Variants in MIR2052HG observed in about 807,000 individuals in gnomAD.
MIR2052HG encodes MIR2052 host gene.
At chr8:74,725,247 T>C (rs746939706) in intron 4 of MIR2052HG, among the ~76,000 whole-genome samples, 10 of 152,208 alleles carry the variant, frequency 6.6e-5, no homozygotes, top group Non-Finnish European at 4.4e-5. Flanking sequence ...TACATGCCCA[T>C]GGGACTTTTG....
intron 2 of MIR2052HG, among the ~76,000 whole-genome samples, chr8:74,617,637 T>C (rs1808304570): frequency 6.6e-6 from 1 of 152,196 alleles, no homozygotes; most frequent in South Asian, 2.1e-4. Flanking sequence ...ATTTCATTAC[T>C]TTGTTATTGT....
At chr8:74,666,965 C>G (rs1373610232) in intron 2 of MIR2052HG, among the ~76,000 whole-genome samples, 2 of 152,188 alleles carry the variant, frequency 1.3e-5, no homozygotes, top group Non-Finnish European at 2.9e-5. Context: ...AGCTGGGCAT[C>G]TCTTTTTGGG....
chr8:74,685,270 A>G (rs1040036488), intron 2 of MIR2052HG, among the ~76,000 whole-genome samples: 1 of 152,076 alleles, frequency 6.6e-6, no homozygotes, highest in Admixed American at 6.6e-5. Context: ...AAAAAAGATG[A>G]TATCCTCCTA....
intron 2 of MIR2052HG, among the ~76,000 whole-genome samples, chr8:74,700,444 G>A (rs1390620218): frequency 6.6e-6 from 1 of 152,060 alleles, no homozygotes; most frequent in Admixed American, 6.6e-5. Flanking sequence ...TTTTCTGATA[G>A]CCACATTAAA....
intron 2 of MIR2052HG, among the ~76,000 whole-genome samples, chr8:74,661,954 C>T (rs965642122): frequency 3.9e-5 from 6 of 152,108 alleles, no homozygotes; most frequent in African/African-American, 1.2e-4. Context: ...AGAAAAAAAT[C>T]GGCAAACATT....
intron 4 of MIR2052HG, among the ~76,000 whole-genome samples, chr8:74,732,941 C>G (rs1293812461): frequency 6.6e-6 from 1 of 152,044 alleles, no homozygotes; most frequent in Non-Finnish European, 1.5e-5. Flanking sequence ...TTGGGAAGCC[C>G]TTAGAGAGCT....
At chr8:74,603,659 T>TA in intron 1 of MIR2052HG, 3 of 1,148,784 alleles carry the variant, frequency 2.6e-6, no homozygotes, top group Non-Finnish European at 1.3e-6. Context: ...CCTTGAAGGG[T>TA]ATAGGCCTGA....
chr8:74,742,014 G>A (rs1257325524), intron 4 of MIR2052HG, among the ~76,000 whole-genome samples: 2 of 152,148 alleles, frequency 1.3e-5, no homozygotes, highest in African/African-American at 4.8e-5. Flanking sequence ...AGTGCTGTGA[G>A]TATCCATTTT....
chr8:74,714,314 C>G (rs116092768), intron 4 of MIR2052HG, among the ~76,000 whole-genome samples: 1 of 152,180 alleles, frequency 6.6e-6, no homozygotes, highest in African/African-American at 2.4e-5. Context: ...ATTATATTTG[C>G]CAAATGCTAA....
At chr8:74,703,577 C>T (rs567912473) in intron 3 of MIR2052HG, 1 of 438,072 alleles carries the variant, frequency 2.3e-6, no homozygotes, top group African/African-American at 2.0e-5. Context: ...TTACTGTTAT[C>T]TCAGCTATAT....
intron 4 of MIR2052HG, among the ~76,000 whole-genome samples, chr8:74,724,990 C>T (rs1563540316): frequency 6.6e-6 from 1 of 152,100 alleles, no homozygotes; most frequent in Non-Finnish European, 1.5e-5. Context: ...CGTGAGAATA[C>T]TACCTAGATC....
chr8:74,738,286 G>A lies in MIR2052HG; in HGVS notation n.372-14155G>A, dbSNP rs1490146728. ...CCAACTCCTCTCTGGCAAGAATACT[G>A]TTCATCAATCTCAGTGTGCATGATA... On this transcript the variant is annotated intron_variant and non_coding_transcript_variant, in intron 4 of 6. Coordinates refer to ENST00000523442, the Ensembl canonical transcript of MIR2052HG. 2.0e-5 allele frequency among the ~76,000 whole-genome samples: 3 copies of A among 152,006 alleles called. No individual in the cohort carries two copies. The East Asian group carries it at 5.8e-4, about 29-fold the overall frequency.
chr8:74,696,222 C>T (rs557894182), intron 2 of MIR2052HG, among the ~76,000 whole-genome samples: 15 of 152,100 alleles, frequency 9.9e-5, no homozygotes, highest in South Asian at 2.1e-4. Context: ...CCTGAATAAT[C>T]GTTGGATCAA....
At position 74,687,625 on chromosome 8, in the gene MIR2052HG, A is replaced by G. The variant is rs369669055; in HGVS notation, n.217-14754A>G. On this transcript the variant is annotated intron_variant and non_coding_transcript_variant, in intron 2 of 6. Coordinates refer to ENST00000523442, the Ensembl canonical transcript of MIR2052HG. Reference sequence around the variant, plus strand: ...CTGATTCTGCTTACATGAGATATCTATAATAGTAAAACTTACAGAGGCAGA... The same window carrying G: ...CTGATTCTGCTTACATGAGATATCTGTAATAGTAAAACTTACAGAGGCAGA... 4.8e-4 allele frequency among the ~76,000 whole-genome samples: 73 copies of G among 152,246 alleles called. No individual in the cohort carries two copies. The South Asian group carries it at 0.01, about 21-fold the overall frequency.
chr8:74,612,283 CCATTCAGAGTTGGTCCACTTT>C (rs1450527427), intron 1 of MIR2052HG, among the ~76,000 whole-genome samples: 3 of 152,132 alleles, frequency 2.0e-5, no homozygotes, highest in African/African-American at 7.2e-5. Context: ...TGGTCCACTT[CCATTCAGAGTTGGTCCACTTT>C]CATTCAGAGA....
chr8:74,719,076 C>CTTTTTT (rs56242876), intron 4 of MIR2052HG, among the ~76,000 whole-genome samples: 3 of 144,438 alleles, frequency 2.1e-5, no homozygotes, highest in Non-Finnish European at 3.0e-5. Flanking sequence ...CCGTGTACAT[C>CTTTTTT]TTTTTTTTTT....
intron 2 of MIR2052HG, among the ~76,000 whole-genome samples, chr8:74,684,589 A>G (rs1052972088): frequency 1.3e-5 from 2 of 152,106 alleles, no homozygotes; most frequent in Non-Finnish European, 2.9e-5. Context: ...CCCCCTGAAT[A>G]TTATATGTTA....
At chr8:74,674,936 T>G (rs1157608293) in intron 2 of MIR2052HG, among the ~76,000 whole-genome samples, 1 of 151,968 alleles carries the variant, frequency 6.6e-6, no homozygotes, top group African/African-American at 2.4e-5. Flanking sequence ...AATAACAGGC[T>G]TTTATTGAAC....
intron 4 of MIR2052HG, among the ~76,000 whole-genome samples, chr8:74,707,598 G>A (rs1171375005): frequency 6.6e-6 from 1 of 151,884 alleles, no homozygotes; most frequent in Non-Finnish European, 1.5e-5. Context: ...AACTGCAACT[G>A]GGGCTATTGG....
Sources: gnomAD v4.1 joint callset for allele counts (sites outside exome capture counted in the v4.1 genomes callset) on GRCh38, gnomAD v4.1.1 for gene constraint, MANE v1.5 for transcripts, NCBI Gene and HGNC (gene_info 2026-07-23, HGNC 2026-07-21) for gene names.